PICALM: variants seen among roughly 807,000 people sequenced by gnomAD.
PICALM encodes phosphatidylinositol binding clathrin assembly protein.
Under a neutral mutation model 80.5 loss-of-function variants are expected in PICALM, and 40 were observed. That is an observed-to-expected ratio of 0.50 (90% CI 0.39 to 0.65). PICALM has a LOEUF of 0.65. Ranked by LOEUF, PICALM falls within the 30% of genes least tolerant of loss-of-function variation. PICALM has a pLI of 0.00. For synonymous variants in PICALM, 288 were observed against 260.3 expected (o/e 1.11, Z -1.02); for missense variants, 676 against 778.9 (o/e 0.87, Z 1.57).
chr11:86,018,487 T>C (rs184159686), intron 4 of PICALM, among the ~76,000 whole-genome samples: 356 of 152,224 alleles, frequency 2.3e-3, no homozygotes, highest in Non-Finnish European at 3.4e-3. Flanking sequence ...AAAAACTCAA[T>C]GCAACCATAC....
intron 7 of PICALM, 98 bp from the exon 8 acceptor site, chr11:86,007,681 AAC>A: frequency 2.5e-6 from 1 of 398,558 alleles, no homozygotes; most frequent in Non-Finnish European, 4.5e-6. Flanking sequence ...TAATATTTTA[AAC>A]AGACTTCTTA....
intron 1 of PICALM, among the ~76,000 whole-genome samples, chr11:86,046,572 T>C (rs1433555932): frequency 6.6e-6 from 1 of 152,194 alleles, no homozygotes; most frequent in Non-Finnish European, 1.5e-5. Flanking sequence ...TCCAATACAC[T>C]GTCATGAAAA....
At chr11:85,961,978 C>A (rs1255915787) in intron 19 of PICALM, among the ~76,000 whole-genome samples, 1 of 152,058 alleles carries the variant, frequency 6.6e-6, no homozygotes, top group Admixed American at 6.6e-5. Context: ...ATGCCAAGAT[C>A]AATTTATAGG....
intron 1 of PICALM, among the ~76,000 whole-genome samples, chr11:86,046,547 C>T (rs677909): frequency 0.72 from 108,751 of 151,998 alleles, 39,488 homozygotes; most frequent in African/African-American, 0.86. Context: ...TAGGAGACAA[C>T]TCCTCTATCA....
intron 12 of PICALM, among the ~76,000 whole-genome samples, chr11:85,996,176 T>A (rs1392476136): frequency 6.6e-6 from 1 of 152,138 alleles, no homozygotes; most frequent in East Asian, 1.9e-4. Flanking sequence ...AAAGCTTTGT[T>A]TATATACTAT....
At chr11:85,961,940 C>T (rs2093703257) in intron 19 of PICALM, among the ~76,000 whole-genome samples, 1 of 152,086 alleles carries the variant, frequency 6.6e-6, no homozygotes, top group Admixed American at 6.6e-5. Context: ...GCAAATATTA[C>T]ATCACTAGTA....
At chr11:86,009,462 C>T (rs909050192) in intron 7 of PICALM, among the ~76,000 whole-genome samples, 8 of 152,038 alleles carry the variant, frequency 5.3e-5, no homozygotes, top group South Asian at 4.2e-4. Context: ...GAGGCCCAGG[C>T]GGGCAGATCA....
chr11:86,058,803 A>G (rs528429985), intron 1 of PICALM, among the ~76,000 whole-genome samples: 2 of 152,292 alleles, frequency 1.3e-5, no homozygotes, highest in Admixed American at 6.5e-5. Flanking sequence ...TTTCATACAA[A>G]AAGGTGTGAC....
At chr11:85,990,458 G>A (rs2094731549) in intron 12 of PICALM, 59 bp from the exon 13 acceptor site, 6 of 1,061,928 alleles carry the variant, frequency 5.7e-6, no homozygotes, top group Middle Eastern at 2.1e-4. Flanking sequence ...AATTAGTATT[G>A]TAATTAGTCA....
chr11:85,998,407 G>A (rs776200211), intron 11 of PICALM, among the ~76,000 whole-genome samples: 1 of 151,804 alleles, frequency 6.6e-6, no homozygotes, highest in Non-Finnish European at 1.5e-5. Context: ...CACCATGCCC[G>A]GCCGACTTCT....
intron 9 of PICALM, among the ~76,000 whole-genome samples, chr11:86,001,600 A>T (rs1351406220): frequency 1.3e-5 from 2 of 152,236 alleles, no homozygotes; most frequent in Non-Finnish European, 2.9e-5. Context: ...CATACCAGTA[A>T]CACGTAACGT....
chr11:86,066,105 T>C (rs1375728537), intron 1 of PICALM, among the ~76,000 whole-genome samples: 1 of 152,162 alleles, frequency 6.6e-6, no homozygotes, highest in Non-Finnish European at 1.5e-5. Flanking sequence ...AATGACAGGT[T>C]TCTGTATTAA....
upstream of PICALM, chr11:86,069,736 C>A (rs769748944): frequency 6.6e-6 from 1 of 152,172 alleles, no homozygotes; most frequent in African/African-American, 2.4e-5. Flanking sequence ...AAGGTTTTTT[C>A]CCCCCTTTCC....
intron 3 of PICALM, chr11:86,023,557 G>A (rs1565451483): frequency 2.0e-6 from 2 of 984,880 alleles, no homozygotes; most frequent in African/African-American, 3.5e-5. Context: ...TAAAAAGAGT[G>A]AAATTATTAA....
intron 19 of PICALM, among the ~76,000 whole-genome samples, chr11:85,973,041 CTG>C (rs2094159437): frequency 6.6e-6 from 1 of 152,140 alleles, no homozygotes; most frequent in African/African-American, 2.4e-5. Context: ...AAAGTAATGA[CTG>C]TGTCAATTAC....
rs753344751 is a variant in PICALM, at chr11:85,990,368, A to G, written c.1290T>C (p.Asp430=). 1.9e-6 allele frequency: 3 copies of G among 1,608,424 alleles called. No individual in the cohort carries two copies. The South Asian group carries it at 3.3e-5, about 18-fold the overall frequency. The change falls in exon 13 of 20, where the codon GAT becomes GAC. Residue 430 remains aspartate (D), a synonymous_variant. Coordinates refer to ENST00000393346, the MANE Select transcript of PICALM (RefSeq NM_007166.4). ...DPFSATVDAV[D]DAIPSLNPFL... Reference sequence around the variant, plus strand: ...AAGGATTTAAGCTTGGAATGGCATCATCAACAGCATCTACAGTAGCAGAGA... The same window carrying G: ...AAGGATTTAAGCTTGGAATGGCATCGTCAACAGCATCTACAGTAGCAGAGA...
At chr11:86,032,495 G>T (rs928229984) in intron 1 of PICALM, among the ~76,000 whole-genome samples, 2 of 151,962 alleles carry the variant, frequency 1.3e-5, no homozygotes, top group Non-Finnish European at 2.9e-5. Context: ...GCTTGGTGGC[G>T]GGCATGGGTA....
At chr11:86,022,317 AC>A (rs2095578307) in intron 4 of PICALM, 49 bp downstream of exon 4, 2 of 1,008,228 alleles carry the variant, frequency 2.0e-6, no homozygotes, top group Non-Finnish European at 1.5e-6. Flanking sequence ...CCTATGTTTT[AC>A]ATTTTTAAAA....
chr11:86,023,006 G>T (rs895500466), intron 3 of PICALM, among the ~76,000 whole-genome samples: 1 of 152,084 alleles, frequency 6.6e-6, no homozygotes, highest in Non-Finnish European at 1.5e-5. Flanking sequence ...TTATATGAAT[G>T]TTTTCAATGA....
Sources: allele counts gnomAD v4.1 joint callset (sites outside exome capture counted in the v4.1 genomes callset), GRCh38; gene constraint gnomAD v4.1.1; transcripts MANE v1.5; gene names NCBI Gene and HGNC (gene_info 2026-07-23, HGNC 2026-07-21).